The following GYS2 variants were observed in gnomAD, a reference collection of about 807,000 sequenced individuals.
GYS2 encodes the protein glycogen [starch] synthase, liver.
A neutral mutation model predicts 85.6 loss-of-function variants in GYS2; 80 were observed. The observed-to-expected ratio is 0.93, with a 90% CI of 0.78 to 1.13. The LOEUF is 1.13. Ranked by LOEUF, GYS2 falls within the 50% of genes most tolerant of loss-of-function variation. The pLI is 0.00. For missense variants in GYS2, 881 were observed against 854.9 expected (o/e 1.03, Z -0.38); for synonymous variants, 328 against 300.7 (o/e 1.09, Z -0.94).
chr12:21,547,575 T>C (rs1944056835), intron 11 of GYS2, among the ~76,000 whole-genome samples: 2 of 152,172 alleles, frequency 1.3e-5, no homozygotes. Flanking sequence ...AAAGTTAAAC[T>C]ATGGAACCAG....
At chr12:21,562,022 T>A (rs964898816) in intron 7 of GYS2, among the ~76,000 whole-genome samples, 1 of 152,242 alleles carries the variant, frequency 6.6e-6, no homozygotes, top group African/African-American at 2.4e-5. Flanking sequence ...TCTACATTTT[T>A]ATGTGATGGG....
In GYS2 at chr12:21,540,481, G is replaced by A. The variant is rs748945649; in HGVS notation, c.1738C>T (p.Arg580Cys). ...FLYGFCKQSR[R>C]QRIIQRNRTE... Reference sequence around the variant, plus strand: ...CTGTTCCTCTGGATAATCCTTTGGCGGCGTGACTGTTTGCAAAATCCATAG... The same window carrying A: ...CTGTTCCTCTGGATAATCCTTTGGCAGCGTGACTGTTTGCAAAATCCATAG... The change falls in exon 14 of 16, where the codon CGC becomes TGC. Residue 580 changes from arginine (R) to cysteine (C), a missense_variant. Transcript: ENST00000261195. 23 of 1,613,742 alleles carry A rather than the reference G, an allele frequency of 1.4e-5. No individual in the cohort carries two copies. The highest frequency in any genetic ancestry group is 3.3e-5 in the Admixed American group (2 of 59,984).
chr12:21,597,034 T>C (rs973626886), intron 1 of GYS2, among the ~76,000 whole-genome samples: 2 of 152,024 alleles, frequency 1.3e-5, no homozygotes, highest in Non-Finnish European at 2.9e-5. Context: ...AACCCCTATT[T>C]ATTGCCATAT....
downstream of GYS2, among the ~76,000 whole-genome samples, chr12:21,533,711 A>G (rs536233178): frequency 6.6e-6 from 1 of 152,350 alleles, no homozygotes; most frequent in African/African-American, 2.4e-5. Flanking sequence ...ATCTGCATAT[A>G]TAAAACCAGT....
chr12:21,584,056 G>A (rs578126206), intron 1 of GYS2, among the ~76,000 whole-genome samples: 34 of 152,286 alleles, frequency 2.2e-4, no homozygotes, highest in Admixed American at 7.8e-4. Context: ...CGATATGCAG[G>A]CACCACCCAA....
At chr12:21,534,603 G>C (rs1338478942), downstream of GYS2, among the ~76,000 whole-genome samples, 2 of 151,304 alleles carry the variant, frequency 1.3e-5, no homozygotes, top group Non-Finnish European at 3.0e-5. Flanking sequence ...AAAGAAAAAA[G>C]AGAGAAGGTA....
chr12:21,548,136 G>C (rs1944063782), intron 11 of GYS2, among the ~76,000 whole-genome samples: 1 of 152,108 alleles, frequency 6.6e-6, no homozygotes, highest in Non-Finnish European at 1.5e-5. Flanking sequence ...AGAGACATTT[G>C]TTGGAACTTC....
intron 1 of GYS2, among the ~76,000 whole-genome samples, chr12:21,581,573 G>C (rs1364786297): frequency 6.6e-6 from 1 of 152,114 alleles, no homozygotes; most frequent in Non-Finnish European, 1.5e-5. Flanking sequence ...GTGTCTGAGG[G>C]GTTTTGTATG....
intron 7 of GYS2, among the ~76,000 whole-genome samples, chr12:21,562,087 T>A (rs1423083960): frequency 1.3e-5 from 2 of 152,204 alleles, no homozygotes; most frequent in East Asian, 1.9e-4. Flanking sequence ...TATCTTTTTT[T>A]ATAGTTGCTT....
chr12:21,585,113 G>GGTGGAA (rs962874684), intron 1 of GYS2, among the ~76,000 whole-genome samples: 14 of 152,058 alleles, frequency 9.2e-5, no homozygotes, highest in African/African-American at 3.1e-4. Context: ...GGAATCAAAG[G>GGTGGAA]GTGGAAGTGG....
At chr12:21,579,179 C>T (rs143565318) in intron 2 of GYS2, among the ~76,000 whole-genome samples, 95 of 152,230 alleles carry the variant, frequency 6.2e-4, no homozygotes, top group African/African-American at 2.3e-3. Flanking sequence ...GACTTGACAT[C>T]ACGATTCCTG....
intron 1 of GYS2, among the ~76,000 whole-genome samples, chr12:21,602,764 C>T (rs989611811): frequency 6.6e-6 from 1 of 152,048 alleles, no homozygotes; most frequent in Non-Finnish European, 1.5e-5. Context: ...AACACACATG[C>T]TACTGATTAT....
chr12:21,533,592 A>C (rs17684244), downstream of GYS2, among the ~76,000 whole-genome samples: 76,131 of 151,948 alleles, frequency 0.5, 21,016 homozygotes, highest in East Asian at 0.72. Context: ...GGGTTCATTC[A>C]GTGAAGACTC....
chr12:21,567,825 A>T (rs932224225), intron 5 of GYS2, among the ~76,000 whole-genome samples: 1 of 152,138 alleles, frequency 6.6e-6, no homozygotes, highest in Non-Finnish European at 1.5e-5. Context: ...ATGTAATCCC[A>T]GCACTTTGGG....
chr12:21,544,372 T>C (rs1944013498), intron 12 of GYS2, among the ~76,000 whole-genome samples: 1 of 152,212 alleles, frequency 6.6e-6, no homozygotes, highest in African/African-American at 2.4e-5. Context: ...ATATATCTCC[T>C]CTATCATTTT....
intron 11 of GYS2, among the ~76,000 whole-genome samples, chr12:21,556,061 C>T (rs1478140634): frequency 6.6e-6 from 1 of 152,168 alleles, no homozygotes; most frequent in Non-Finnish European, 1.5e-5. Flanking sequence ...AAATATTTTT[C>T]TTTTTATTTT....
At chr12:21,581,450 G>A (rs561755867) in intron 1 of GYS2, among the ~76,000 whole-genome samples, 1 of 152,226 alleles carries the variant, frequency 6.6e-6, no homozygotes, top group South Asian at 2.1e-4. Flanking sequence ...TACCCCCTTA[G>A]AGTTGTAAGC....
At chr12:21,582,198 C>G (rs1944517582) in intron 1 of GYS2, among the ~76,000 whole-genome samples, 2 of 152,070 alleles carry the variant, frequency 1.3e-5, no homozygotes, top group Non-Finnish European at 2.9e-5. Flanking sequence ...TGAGTGTCAA[C>G]TTGATTGGAC....
At position 21,546,387 on chromosome 12, in the gene GYS2, A is replaced by G. The variant is rs1332778544; in HGVS notation, c.1506T>C (p.Leu502=). ...DYEEFVRGCH[L]GVFPSYYEPW... ...GTTCATAGTATGATGGAAATACTCC[A>G]AGATGACAACCTCTAACAAACTCTT... Residue 502 remains leucine (L), a synonymous_variant, in exon 12 of 16, where the codon CTT becomes CTC. Transcript: ENST00000261195. 6.2e-7 allele frequency: 1 copy of G among 1,601,360 alleles called. No individual in the cohort carries two copies. The highest frequency in any genetic ancestry group is 1.3e-5 in the African/African-American group (1 of 74,656).
Sources: gnomAD v4.1 joint callset for allele counts (sites outside exome capture counted in the v4.1 genomes callset) on GRCh38, gnomAD v4.1.1 for gene constraint, MANE v1.5 for transcripts, NCBI Gene and HGNC (gene_info 2026-07-23, HGNC 2026-07-21) for gene names.